NPHP4: variants seen among roughly 807,000 people sequenced by gnomAD.
The protein encoded by NPHP4 is nephrocystin-4.
A neutral mutation model predicts 155.8 loss-of-function variants in NPHP4; 151 were observed. The ratio of observed to expected loss-of-function variants is 0.97; its 90% CI spans 0.85 to 1.11. NPHP4 has a LOEUF of 1.11. Among genes scored for constraint, NPHP4 ranks in the 50% least tolerant of loss-of-function variants. The pLI is 0.00. For synonymous variants in NPHP4, 845 were observed against 816.8 expected, an observed-to-expected ratio of 1.03 and a Z score of -0.59; for missense variants, 1,956 against 1,925.7, an observed-to-expected ratio of 1.02 and a Z score of -0.29.
In NPHP4 at chr1:5,905,173, TC is replaced by T; in HGVS notation, c.1955+118del. 1 of 816,986 alleles carries T rather than the reference TC, an allele frequency of 1.2e-6. No homozygotes were observed. The highest frequency in any genetic ancestry group is 2.1e-6 in the Non-Finnish European group (1 of 481,192). 50.6% of individuals were successfully genotyped at this position (816,986 alleles called of 1,614,324 possible). On this transcript the variant is annotated intron_variant, in intron 15 of 29. Transcript: ENST00000378156. The surrounding 1 kb of genome is among the most constrained non-coding windows in gnomAD (Gnocchi z 4.0). ...AAGAGAAGATAAAAACAGATGGCAC[TC>T]CCGAATCTACTAAGACCTCAGCACA... is the stretch of plus-strand genomic sequence containing the variant.
rs1656521982 is a variant in NPHP4 at position 5,992,382 on chromosome 1, G to A, written c.-177C>T. 1 of 152,292 alleles carries A rather than the reference G, an allele frequency of 6.6e-6. No homozygotes were observed. The highest frequency in any genetic ancestry group is 6.5e-5 in the Admixed American group (1 of 15,288). 9.4% of individuals were successfully genotyped at this position (152,292 alleles called of 1,614,324 possible). Reference sequence around the variant, plus strand: ...GCCTGAGGACCGAGGACTGGCCGAGGGGCGCGCCCCGTCCGCTGCCACCCG... The same window carrying A: ...GCCTGAGGACCGAGGACTGGCCGAGAGGCGCGCCCCGTCCGCTGCCACCCG... On this transcript the variant is annotated 5_prime_UTR_variant, in exon 1 of 30. Coordinates refer to ENST00000378156, the MANE Select transcript of NPHP4 (RefSeq NM_015102.5).
At chr1:5,974,672 TTCA>T (rs891525018) in intron 3 of NPHP4, among the ~76,000 whole-genome samples, 26 of 111,886 alleles carry the variant, frequency 2.3e-4, no homozygotes, top group African/African-American at 9.7e-4. Flanking sequence ...GTGCAAATAA[TTCA>T]TCATTTGCAG....
intron 11 of NPHP4, among the ~76,000 whole-genome samples, chr1:5,919,731 T>C (rs1408606169): frequency 1.3e-5 from 2 of 151,968 alleles, no homozygotes; most frequent in African/African-American, 2.4e-5. Flanking sequence ...TTTGTTTGTT[T>C]GTGGGTTTTT....
In NPHP4 at chr1:5,927,801, G is replaced by C; in HGVS notation, c.1303-14C>G. On this transcript the variant is annotated splice_polypyrimidine_tract_variant and intron_variant, in intron 10 of 29. Transcript: ENST00000378156. ...CACCTGCTTCACCTGCAATGGACCA[G>C]AAGAGCAGTGATGGCCACTCCCTTC... 1 of 1,599,670 alleles carries C rather than the reference G, an allele frequency of 6.3e-7. No individual in the cohort carries two copies. Among genetic ancestry groups the C allele is most frequent in the Non-Finnish European group, 8.6e-7 (1 of 1,168,072 alleles).
In NPHP4 at chr1:5,887,267, C is replaced by G; in HGVS notation, c.2485+19G>C. The stretch of plus-strand genomic sequence containing the variant: ...TTGGGCGGCCGCTGGAGAAATGGCA[C>G]AAGGCTGGGGACTCTTACCCACGTT... On this transcript the variant is annotated intron_variant, in intron 18 of 29. Transcript: ENST00000378156. 6.2e-7 allele frequency: 1 copy of G among 1,604,586 alleles called. No individual in the cohort carries two copies. Among genetic ancestry groups the G allele is most frequent in the Non-Finnish European group, 8.5e-7 (1 of 1,175,008 alleles).
intron 27 of NPHP4, chr1:5,864,868 T>C: frequency 1.8e-6 from 1 of 563,050 alleles, no homozygotes; most frequent in Non-Finnish European, 3.2e-6. Context: ...ACTGTTCACC[T>C]TGCCAGGAAT....
intron 11 of NPHP4, 91 bp downstream of exon 11, chr1:5,927,558 T>C (rs1570474775): frequency 3.0e-6 from 4 of 1,327,236 alleles, no homozygotes; most frequent in East Asian, 2.3e-5. Flanking sequence ...AATGTGGTGA[T>C]TACCGTACTA....
At chr1:5,980,102 C>T (rs764380128) in intron 2 of NPHP4, among the ~76,000 whole-genome samples, 4 of 152,142 alleles carry the variant, frequency 2.6e-5, no homozygotes, top group African/African-American at 4.8e-5. Flanking sequence ...CCTTGGCCAA[C>T]GCAAGCCCGT....
chr1:5,894,093 T>A (rs1408390836), intron 16 of NPHP4, among the ~76,000 whole-genome samples: 2 of 152,370 alleles, frequency 1.3e-5, no homozygotes, highest in African/African-American at 4.8e-5. Flanking sequence ...TAACTATTCT[T>A]GTTTTATATT....
intron 13 of NPHP4, among the ~76,000 whole-genome samples, chr1:5,906,499 G>A (rs919189314): frequency 3.9e-5 from 6 of 152,256 alleles, no homozygotes; most frequent in Middle Eastern, 6.3e-3. Flanking sequence ...GAGCCCCAGA[G>A]ATGCTTTAGA....
rs765013786 is a variant in NPHP4, at chr1:5,867,047, A to G, written c.3541T>C (p.Cys1181Arg). 6.2e-7 allele frequency: 1 copy of G among 1,612,932 alleles called. No individual in the cohort carries two copies. ...HVRCSDPNVI[C>R]ETQNVGPGEP... ...CAACCTACCACATTCTGGGTCTCAC[A>G]GATGACGTTCGGGTCGCTGCAGCGA... Residue 1181 changes from cysteine to arginine, a missense_variant, in exon 25 of 30, where the codon TGT becomes CGT. Cys to Arg is a radical substitution (Grantham distance 180, BLOSUM62 -3). Transcript: ENST00000378156. This position sits in a 1 kb window ranked among gnomAD's most constrained non-coding sequence, Gnocchi z 4.1.
chr1:5,948,398 G>C, intron 7 of NPHP4, 147 bp from the exon 8 acceptor site: 1 of 634,772 alleles, frequency 1.6e-6, no homozygotes, highest in Non-Finnish European at 2.7e-6. Flanking sequence ...CAAGATGAGT[G>C]CAAGCAAATG....
At chr1:5,870,573 G>T (rs1399493699) in intron 23 of NPHP4, among the ~76,000 whole-genome samples, 1 of 152,156 alleles carries the variant, frequency 6.6e-6, no homozygotes, top group Non-Finnish European at 1.5e-5. Context: ...AACGGCCTCA[G>T]TATCTCCCAA....
In NPHP4 at chr1:5,868,043, A is replaced by G. The variant is rs1032000398; in HGVS notation, c.3316-147T>C. 3 of 875,172 alleles carry G rather than the reference A, an allele frequency of 3.4e-6. No homozygotes were observed. In the African/African-American group the frequency reaches 5.0e-5, roughly 15 times the overall value. 54.2% of individuals were successfully genotyped at this position (875,172 alleles called of 1,614,324 possible). A position where few individuals can be genotyped will look rare whatever the true frequency, so the allele number is the denominator to read the frequency against. On this transcript the variant is annotated intron_variant, in intron 23 of 29. Coordinates refer to ENST00000378156, the MANE Select transcript of NPHP4 (RefSeq NM_015102.5). ...GAGCGGGGAAGGTCGGGCATCGTCA[A>G]AGGCAGGGACTGAGTCTGCAGCAGC...
intron 10 of NPHP4, 144 bp from the exon 11 acceptor site, chr1:5,927,931 A>G: frequency 1.1e-6 from 1 of 875,936 alleles, no homozygotes; most frequent in Non-Finnish European, 1.7e-6. Flanking sequence ...TTCTCAGATT[A>G]TAATCAAGTA....
intron 7 of NPHP4, among the ~76,000 whole-genome samples, chr1:5,952,303 T>C (rs1004037155): frequency 6.6e-6 from 1 of 152,220 alleles, no homozygotes; most frequent in Admixed American, 6.5e-5. Flanking sequence ...TTCCCTATGC[T>C]CATCTGGTGA....
chr1:5,971,204 G>A (rs1652497679), intron 3 of NPHP4, among the ~76,000 whole-genome samples: 1 of 152,190 alleles, frequency 6.6e-6, no homozygotes, highest in Admixed American at 6.5e-5. Context: ...ACAAGTTTAT[G>A]GCTATGCCTC....
chr1:5,931,281 T>C (rs1646257047), intron 10 of NPHP4, among the ~76,000 whole-genome samples: 1 of 152,020 alleles, frequency 6.6e-6, no homozygotes, highest in Non-Finnish European at 1.5e-5. Context: ...TCAAAGATAC[T>C]ACAGGTTCAG....
intron 19 of NPHP4, among the ~76,000 whole-genome samples, chr1:5,878,328 A>ACTG (rs1230078566): frequency 6.6e-6 from 1 of 152,202 alleles, no homozygotes; most frequent in Admixed American, 6.5e-5. Flanking sequence ...ACGCCGGCAA[A>ACTG]CTGCTCTGCA....
Sources: gnomAD v4.1 joint callset for allele counts (sites outside exome capture counted in the v4.1 genomes callset) on GRCh38, gnomAD v4.1.1 for gene constraint, Gnocchi (gnomAD v3.1) non-coding constraint, MANE v1.5 for transcripts, NCBI Gene and HGNC (gene_info 2026-07-23, HGNC 2026-07-21) for gene names.